The following GLRA1 variants were observed in gnomAD, a reference collection of about 807,000 sequenced individuals.
The protein encoded by GLRA1 is glycine receptor subunit alpha-1.
In GLRA1, 37 loss-of-function variants were observed where a neutral mutation model predicts 48.3. The observed-to-expected ratio is 0.77, with a 90% confidence interval of 0.59 to 1.01. The LOEUF (loss-of-function observed/expected upper bound fraction) is 1.01, where lower values mean the gene tolerates loss of function less well. Among genes scored for constraint, GLRA1 ranks in the 50% least tolerant of loss-of-function variants. GLRA1 has a pLI of 0.00. For missense variants in GLRA1, 427 were observed against 571.0 expected, an observed-to-expected ratio of 0.75 and a Z score of 2.57; for synonymous variants, 196 against 210.7, an observed-to-expected ratio of 0.93 and a Z score of 0.60.
intron 6 of GLRA1, among the ~76,000 whole-genome samples, chr5:151,852,822 G>T (rs1467180185): frequency 6.6e-6 from 1 of 152,158 alleles, no homozygotes. Context: ...ATTTCCTTTG[G>T]ATATGTATCT....
At chr5:151,869,586 G>GCT (rs1331837253) in intron 3 of GLRA1, among the ~76,000 whole-genome samples, 2 of 141,962 alleles carry the variant, frequency 1.4e-5, no homozygotes, top group Non-Finnish European at 2.9e-5. Context: ...TTGGTGGCAA[G>GCT]CACTGGTAAT....
chr5:151,904,870 T>C (rs1158651108), intron 1 of GLRA1, among the ~76,000 whole-genome samples: 3 of 152,210 alleles, frequency 2.0e-5, no homozygotes, highest in Non-Finnish European at 4.4e-5. Flanking sequence ...GATGAATATA[T>C]GAACTTCCAG....
intron 1 of GLRA1, among the ~76,000 whole-genome samples, chr5:151,916,336 G>C (rs1433117452): frequency 6.6e-6 from 1 of 152,202 alleles, no homozygotes; most frequent in Non-Finnish European, 1.5e-5. Context: ...TTATAAGACA[G>C]TACTGCAAAT....
At chr5:151,861,498 T>C (rs560107768) in intron 3 of GLRA1, among the ~76,000 whole-genome samples, 52 of 152,372 alleles carry the variant, frequency 3.4e-4, no homozygotes, top group African/African-American at 1.2e-3. Context: ...CATTTTTTCA[T>C]GTGTCTGTTG....
At chr5:151,849,120 C>CTTTCTTTCTTTTCTTTTCTTTTCT (rs1752776803) in intron 7 of GLRA1, 3 of 172,936 alleles carry the variant, frequency 1.7e-5, no homozygotes, top group African/African-American at 6.0e-5. Context: ...TTCTTTCTTT[C>CTTTCTTTCTTTTCTTTTCTTTTCT]TTTCTTTCTT....
rs377627888 is a variant in GLRA1 at position 151,885,644 on chromosome 5, C to T, written c.252+1077G>A. On this transcript the variant is annotated intron_variant, in intron 3 of 8. Transcript: ENST00000274576. ...CACCAGAAGCCTGTAAAGCAGAGAG[C>T]GAGAGACGACCTGGCTGGAGAGCTG... Among the ~76,000 whole-genome samples, 68 of 152,230 alleles carry T rather than the reference C, an allele frequency of 4.5e-4. 1 individual carries two copies. In the South Asian group the frequency reaches 0.014, roughly 32 times the overall value.
At chr5:151,843,664 T>C (rs904217873) in intron 7 of GLRA1, among the ~76,000 whole-genome samples, 2 of 152,154 alleles carry the variant, frequency 1.3e-5, no homozygotes, top group Non-Finnish European at 2.9e-5. Context: ...ACTTCCAAAT[T>C]TTAAAAATTA....
At chr5:151,840,696 C>T (rs1763693475) in intron 7 of GLRA1, among the ~76,000 whole-genome samples, 1 of 146,028 alleles carries the variant, frequency 6.8e-6, no homozygotes, top group African/African-American at 2.5e-5. Context: ...AAACAGTAAC[C>T]AAAAGAGGCC....
At chr5:151,921,119 T>C (rs1455347393) in intron 1 of GLRA1, among the ~76,000 whole-genome samples, 2 of 152,166 alleles carry the variant, frequency 1.3e-5, no homozygotes, top group Non-Finnish European at 2.9e-5. Flanking sequence ...AAGAGGGAAG[T>C]AGCACATTAA....
At chr5:151,851,756 T>C (rs991695855) in intron 6 of GLRA1, 152 bp from the exon 7 acceptor site, 2 of 673,204 alleles carry the variant, frequency 3.0e-6, no homozygotes, top group Non-Finnish European at 5.4e-6. Context: ...TGTTTCCTTA[T>C]GTATAGTAAA....
chr5:151,879,384 C>T (rs1216874632), intron 3 of GLRA1, among the ~76,000 whole-genome samples: 3 of 151,260 alleles, frequency 2.0e-5, no homozygotes, highest in Non-Finnish European at 4.4e-5. Flanking sequence ...AGACAGAGTC[C>T]CACTCTCTTG....
intron 3 of GLRA1, among the ~76,000 whole-genome samples, chr5:151,871,106 C>A (rs989210409): frequency 6.7e-6 from 1 of 149,444 alleles, no homozygotes; most frequent in Non-Finnish European, 1.5e-5. Flanking sequence ...CTGCTCATCA[C>A]CCCATGGTCT....
chr5:151,836,610 T>C (rs551249642), intron 7 of GLRA1, among the ~76,000 whole-genome samples: 5 of 152,232 alleles, frequency 3.3e-5, no homozygotes, highest in African/African-American at 9.6e-5. Context: ...AAAACTGATA[T>C]ATAGACCAAC....
chr5:151,839,118 T>C (rs1242031999), intron 7 of GLRA1, among the ~76,000 whole-genome samples: 1 of 152,218 alleles, frequency 6.6e-6, no homozygotes, highest in African/African-American at 2.4e-5. Context: ...TTCAAAGTGC[T>C]GAAAGGAAAA....
chr5:151,922,227 C>G (rs1044295117), intron 1 of GLRA1, among the ~76,000 whole-genome samples: 4 of 152,158 alleles, frequency 2.6e-5, no homozygotes, highest in Non-Finnish European at 5.9e-5. Flanking sequence ...TCACATGGAA[C>G]CTGCTAGAGA....
intron 3 of GLRA1, among the ~76,000 whole-genome samples, chr5:151,878,462 G>C (rs1753680391): frequency 6.6e-6 from 1 of 152,220 alleles, no homozygotes; most frequent in Non-Finnish European, 1.5e-5. Flanking sequence ...GAAGAAATTT[G>C]CATAAGTAAT....
intron 7 of GLRA1, among the ~76,000 whole-genome samples, chr5:151,830,421 T>A (rs1763394595): frequency 6.6e-6 from 1 of 152,150 alleles, no homozygotes; most frequent in South Asian, 2.1e-4. Context: ...TAATGAGTTG[T>A]TTATAGGGGG....
At chr5:151,912,478 C>G (rs978980189) in intron 1 of GLRA1, among the ~76,000 whole-genome samples, 24 of 152,174 alleles carry the variant, frequency 1.6e-4, no homozygotes, top group African/African-American at 5.5e-4. Flanking sequence ...TGGACATGCC[C>G]TGTCAGAGAG....
At chr5:151,851,359 G>A in intron 7 of GLRA1, 31 bp downstream of exon 7, 1 of 1,420,838 alleles carries the variant, frequency 7.0e-7, no homozygotes, top group Non-Finnish European at 1.0e-6. Flanking sequence ...ATTTGTCCAG[G>A]TGTTCTGTGC....
Sources: allele counts gnomAD v4.1 joint callset (sites outside exome capture counted in the v4.1 genomes callset), GRCh38; gene constraint gnomAD v4.1.1; transcripts MANE v1.5; gene names NCBI Gene and HGNC (gene_info 2026-07-23, HGNC 2026-07-21).